PMS1: variants seen among roughly 807,000 people sequenced by gnomAD.
PMS1 encodes PMS1 homolog 1, mismatch repair system component.
A neutral mutation model predicts 93.1 loss-of-function variants in PMS1; 79 were observed. That is an observed-to-expected ratio of 0.85 (90% CI 0.71 to 1.02). PMS1 has a LOEUF of 1.02. Ranked by LOEUF, PMS1 falls within the 50% of genes least tolerant of loss-of-function variation. The pLI, the probability that PMS1 is intolerant of heterozygous loss-of-function variation, is 0.00. For synonymous variants in PMS1, 335 were observed against 363.4 expected (o/e 0.92, Z 0.89); for missense variants, 1,064 against 1,085.3 (o/e 0.98, Z 0.28).
intron 9 of PMS1, among the ~76,000 whole-genome samples, 153 bp downstream of exon 9, chr2:189,855,281 CTT>C (rs1004819399): frequency 6.7e-6 from 1 of 149,638 alleles, no homozygotes; most frequent in Non-Finnish European, 1.5e-5. Context: ...TTTGGTAACA[CTT>C]TTTTTTTCTG....
intron 11 of PMS1, among the ~76,000 whole-genome samples, chr2:189,869,607 A>G (rs996808433): frequency 6.6e-6 from 1 of 152,102 alleles, no homozygotes; most frequent in Non-Finnish European, 1.5e-5. Context: ...ACCTGAGATC[A>G]GGGGTTCAAG....
At chr2:189,843,080 T>G (rs1575224837) in intron 5 of PMS1, among the ~76,000 whole-genome samples, 1 of 151,398 alleles carries the variant, frequency 6.6e-6, no homozygotes, top group Admixed American at 6.6e-5. Flanking sequence ...TGCAGTGGCG[T>G]GTTCTCGCCT....
intron 1 of PMS1, chr2:189,785,453 A>G (rs2048216449): frequency 6.6e-6 from 1 of 152,186 alleles, no homozygotes; most frequent in African/African-American, 2.4e-5. Flanking sequence ...ATATTCCCAG[A>G]CATTCTTTGC....
chr2:189,863,061 T>C (rs1358712979), intron 9 of PMS1, among the ~76,000 whole-genome samples: 1 of 152,166 alleles, frequency 6.6e-6, no homozygotes, highest in Non-Finnish European at 1.5e-5. Context: ...CCATTAATAC[T>C]GAGGACTGCC....
At chr2:189,861,581 C>T (rs1296473295) in intron 9 of PMS1, among the ~76,000 whole-genome samples, 1 of 151,912 alleles carries the variant, frequency 6.6e-6, no homozygotes, top group African/African-American at 2.4e-5. Context: ...GAAACCCCAT[C>T]TCTACTAAAA....
intron 6 of PMS1, among the ~76,000 whole-genome samples, chr2:189,845,856 G>A (rs2054208744): frequency 6.6e-6 from 1 of 151,948 alleles, no homozygotes; most frequent in Non-Finnish European, 1.5e-5. Context: ...TCAGCCTCCT[G>A]AGTAGCTGGG....
chr2:189,848,117 G>A (rs2106431978), intron 6 of PMS1, among the ~76,000 whole-genome samples: 1 of 152,284 alleles, frequency 6.6e-6, no homozygotes, highest in African/African-American at 2.4e-5. Context: ...GCTGACTTGG[G>A]ATGGCAAGGG....
At chr2:189,788,282 G>A (rs2048541552) in intron 1 of PMS1, among the ~76,000 whole-genome samples, 1 of 152,180 alleles carries the variant, frequency 6.6e-6, no homozygotes, top group Non-Finnish European at 1.5e-5. Context: ...AGGGGTTAGA[G>A]GTGGGGGGAT....
At position 189,850,918 on chromosome 2, in the gene PMS1, A is replaced by G. The variant is rs560182827; in HGVS notation, c.700-1737A>G. ...GATGAAGGGAAGAGAGGGGCGGACC[A>G]TAGTTGAGAAGCAATTAGGGAGGAG... On this transcript the variant is annotated intron_variant, in intron 6 of 12. Coordinates refer to ENST00000441310, the MANE Select transcript of PMS1 (RefSeq NM_000534.5). Among the ~76,000 whole-genome samples the G allele has an allele frequency of 3.9e-5, 6 of 152,192 alleles. No individual in the cohort carries two copies. The South Asian group carries it at 1.0e-3, about 26-fold the overall frequency.
intron 2 of PMS1, among the ~76,000 whole-genome samples, 185 bp downstream of exon 2, chr2:189,792,126 AAC>A (rs1392945506): frequency 6.6e-6 from 1 of 152,228 alleles, no homozygotes; most frequent in African/African-American, 2.4e-5. Flanking sequence ...ACATTATAGT[AAC>A]ACTAAAGGAA....
intron 3 of PMS1, among the ~76,000 whole-genome samples, chr2:189,799,411 A>C (rs1346247792): frequency 6.6e-6 from 1 of 152,176 alleles, no homozygotes; most frequent in Non-Finnish European, 1.5e-5. Flanking sequence ...TTAGACCATT[A>C]TCAGAACCCC....
chr2:189,828,887 GAAAA>G (rs35103661), intron 5 of PMS1, among the ~76,000 whole-genome samples: 3 of 117,854 alleles, frequency 2.5e-5, no homozygotes, highest in Non-Finnish European at 5.6e-5. Context: ...GTGTGTCTCT[GAAAA>G]AAAAAAAAAA....
At chr2:189,825,489 A>G (rs981336198) in intron 5 of PMS1, among the ~76,000 whole-genome samples, 1 of 152,218 alleles carries the variant, frequency 6.6e-6, no homozygotes, top group Non-Finnish European at 1.5e-5. Context: ...TAGTATTCTT[A>G]GCTATTTCAT....
intron 9 of PMS1, among the ~76,000 whole-genome samples, chr2:189,858,250 G>C (rs1220704211): frequency 6.6e-6 from 1 of 152,002 alleles, no homozygotes; most frequent in African/African-American, 2.4e-5. Context: ...TGGGCCATGT[G>C]CCCTACCACT....
At chr2:189,803,163 C>G (rs189198795) in intron 3 of PMS1, among the ~76,000 whole-genome samples, 2 of 152,120 alleles carry the variant, frequency 1.3e-5, no homozygotes, top group Non-Finnish European at 2.9e-5. Context: ...TAAAACTTAG[C>G]CCCCCCAAAA....
chr2:189,827,206 A>G (rs1442964637), intron 5 of PMS1, among the ~76,000 whole-genome samples: 1 of 152,210 alleles, frequency 6.6e-6, no homozygotes, highest in Non-Finnish European at 1.5e-5. Context: ...TTGTTCCTTT[A>G]CTGATCCTCT....
intron 5 of PMS1, among the ~76,000 whole-genome samples, chr2:189,833,115 C>A (rs1165272379): frequency 6.6e-6 from 1 of 152,162 alleles, no homozygotes; most frequent in African/African-American, 2.4e-5. Flanking sequence ...ACATTAACTT[C>A]TTTTTCTTCT....
In PMS1 at chr2:189,852,640, G is replaced by T; in HGVS notation, c.700-15G>T. 3.1e-6 allele frequency: 5 copies of T among 1,602,478 alleles called. No individual in the cohort carries two copies. The highest frequency in any genetic ancestry group is 4.3e-6 in the Non-Finnish European group (5 of 1,169,712). Reference sequence around the variant, plus strand: ...CTACATTGTTGACATTGCATATTCTGTAATTATTATATAGATTTATCTCAG... The same window carrying T: ...CTACATTGTTGACATTGCATATTCTTTAATTATTATATAGATTTATCTCAG... On this transcript the variant is annotated splice_polypyrimidine_tract_variant and intron_variant, in intron 6 of 12. Transcript: ENST00000441310.
chr2:189,812,350 G>C (rs1278760789), intron 4 of PMS1, among the ~76,000 whole-genome samples: 2 of 152,072 alleles, frequency 1.3e-5, no homozygotes, highest in Admixed American at 6.6e-5. Context: ...TCTATAACCA[G>C]TAAAAATGTT....
Sources: allele counts gnomAD v4.1 joint callset (sites outside exome capture counted in the v4.1 genomes callset), GRCh38; gene constraint gnomAD v4.1.1; transcripts MANE v1.5; gene names NCBI Gene and HGNC (gene_info 2026-07-23, HGNC 2026-07-21).